Variants in AK5 observed in about 807,000 individuals in gnomAD.
AK5 encodes adenylate kinase 5, also known as adenylate kinase isoenzyme 5.
A neutral mutation model predicts 69.5 loss-of-function variants in AK5; 27 were observed. The ratio of observed to expected loss-of-function variants is 0.39; its 90% CI spans 0.29 to 0.54. The LOEUF (loss-of-function observed/expected upper bound fraction) is 0.54. Ranked by LOEUF, AK5 falls within the 20% of genes least tolerant of loss-of-function variation. AK5 has a pLI of 0.71. For missense variants in AK5, 531 were observed against 700.4 expected (o/e 0.76, Z 2.73); for synonymous variants, 260 against 244.4 (o/e 1.06, Z -0.60).
intron 8 of AK5, among the ~76,000 whole-genome samples, chr1:77,465,414 A>G (rs1018553710): frequency 9.9e-5 from 15 of 152,234 alleles, no homozygotes; most frequent in Non-Finnish European, 1.8e-4. Context: ...CTTGAGCTTA[A>G]CATCCTTTAA....
At chr1:77,307,967 G>A (rs1659736797) in intron 5 of AK5, among the ~76,000 whole-genome samples, 1 of 152,174 alleles carries the variant, frequency 6.6e-6, no homozygotes, top group African/African-American at 2.4e-5. Flanking sequence ...GGACGATGGT[G>A]GAGCTGTCTA....
At chr1:77,377,132 C>A (rs1198323427) in intron 6 of AK5, among the ~76,000 whole-genome samples, 1 of 152,142 alleles carries the variant, frequency 6.6e-6, no homozygotes, top group Non-Finnish European at 1.5e-5. Context: ...TGTTGTCTTT[C>A]TTGGTTTCTC....
intron 6 of AK5, among the ~76,000 whole-genome samples, chr1:77,384,156 A>G (rs1647846598): frequency 6.6e-6 from 1 of 152,208 alleles, no homozygotes; most frequent in Non-Finnish European, 1.5e-5. Context: ...AATCAGGGAA[A>G]TATTAAGTAA....
chr1:77,377,526 A>G (rs1484417525), intron 6 of AK5, among the ~76,000 whole-genome samples: 1 of 152,120 alleles, frequency 6.6e-6, no homozygotes, highest in Non-Finnish European at 1.5e-5. Flanking sequence ...TGACATTACT[A>G]CAATAACTCA....
chr1:77,399,607 C>A (rs2100545064), intron 6 of AK5, among the ~76,000 whole-genome samples: 1 of 152,204 alleles, frequency 6.6e-6, no homozygotes, highest in Middle Eastern at 3.4e-3. Context: ...GGGACAGAAC[C>A]AGAGCAGCTT....
In AK5 at chr1:77,518,854, T is replaced by G. The variant is rs1657820280; in HGVS notation, c.1311+127T>G. 5 of 940,314 alleles carry G rather than the reference T, an allele frequency of 5.3e-6. No individual in the cohort carries two copies. The South Asian group carries it at 7.3e-5, about 14-fold the overall frequency. 58.2% of individuals were successfully genotyped at this position (940,314 alleles called of 1,614,324 possible). On this transcript the variant is annotated intron_variant, in intron 11 of 13. Coordinates refer to ENST00000354567, the MANE Select transcript of AK5 (RefSeq NM_174858.3). ...AAACAATAGCTGTATATTATTTCCCTCCTTTGCAGCAATCCAGATGCAGGC... is the reference window on the plus strand; with the variant it reads ...AAACAATAGCTGTATATTATTTCCCGCCTTTGCAGCAATCCAGATGCAGGC...
At chr1:77,310,896 A>C (rs1659913897) in intron 5 of AK5, among the ~76,000 whole-genome samples, 1 of 152,074 alleles carries the variant, frequency 6.6e-6, no homozygotes, top group Non-Finnish European at 1.5e-5. Flanking sequence ...TCATTAAATA[A>C]GGTTTTATAA....
chr1:77,415,540 C>T (rs1361186581), intron 7 of AK5, among the ~76,000 whole-genome samples: 1 of 152,168 alleles, frequency 6.6e-6, no homozygotes, highest in Non-Finnish European at 1.5e-5. Context: ...TTTGTGTTAT[C>T]TTTAATGATG....
intron 10 of AK5, among the ~76,000 whole-genome samples, chr1:77,503,280 T>C (rs1003500564): frequency 6.6e-6 from 1 of 152,200 alleles, no homozygotes; most frequent in Non-Finnish European, 1.5e-5. Flanking sequence ...TATAAGAAGA[T>C]ACGGGAATGT....
chr1:77,345,903 A>C (rs1661890880), intron 6 of AK5: 1 of 152,186 alleles, frequency 6.6e-6, no homozygotes, highest in Non-Finnish European at 1.5e-5. Flanking sequence ...CCCCAAACAG[A>C]ACTACTACTA....
At chr1:77,422,289 G>A (rs948570904) in intron 8 of AK5, among the ~76,000 whole-genome samples, 2 of 152,110 alleles carry the variant, frequency 1.3e-5, no homozygotes, top group African/African-American at 2.4e-5. Flanking sequence ...CCTTCCCTCA[G>A]TCTGCTCACC....
chr1:77,518,727 A>C lies in AK5; in HGVS notation c.1311A>C (p.Ser437=), dbSNP rs371973784. The change falls in exon 11 of 14, where the codon TCA becomes TCC. Residue 437 remains serine, a splice_region_variant and synonymous_variant. Transcript: ENST00000354567. ...DIMERGDLVP[S]GIVLELLKEA... ...TGGAACGTGGAGACCTGGTGCCCTCAGTAAGCAACATGGCCTGACCCACAT... is the reference window on the plus strand; with the variant it reads ...TGGAACGTGGAGACCTGGTGCCCTCCGTAAGCAACATGGCCTGACCCACAT... The C allele has an allele frequency of 7.4e-6, 12 of 1,613,906 alleles. No homozygotes were observed. The highest frequency in any genetic ancestry group is 8.5e-7 in the Non-Finnish European group (1 of 1,179,908).
intron 6 of AK5, among the ~76,000 whole-genome samples, chr1:77,362,383 C>T (rs564134269): frequency 1.3e-5 from 2 of 151,980 alleles, no homozygotes; most frequent in Admixed American, 6.6e-5. Flanking sequence ...ACTTTAAAAC[C>T]GCCATTATCT....
At chr1:77,510,424 A>G (rs1241680680) in intron 10 of AK5, among the ~76,000 whole-genome samples, 1 of 152,194 alleles carries the variant, frequency 6.6e-6, no homozygotes, top group Non-Finnish European at 1.5e-5. Context: ...TAAAAGAGCA[A>G]TTTCAGAATG....
chr1:77,422,840 A>G (rs1650907008), intron 8 of AK5, among the ~76,000 whole-genome samples: 1 of 152,130 alleles, frequency 6.6e-6, no homozygotes, highest in Admixed American at 6.5e-5. Context: ...CTTCTACTTA[A>G]TGTGTGATGT....
chr1:77,352,613 G>A (rs1008871306), intron 6 of AK5, among the ~76,000 whole-genome samples: 1 of 152,186 alleles, frequency 6.6e-6, no homozygotes, highest in Non-Finnish European at 1.5e-5. Flanking sequence ...AATGATACCT[G>A]TTAAAAGGTG....
chr1:77,397,211 C>T (rs1420617987), intron 6 of AK5, among the ~76,000 whole-genome samples: 1 of 152,178 alleles, frequency 6.6e-6, no homozygotes, highest in Non-Finnish European at 1.5e-5. Flanking sequence ...CCCTGGTATG[C>T]CCTTCCTTTC....
intron 6 of AK5, among the ~76,000 whole-genome samples, chr1:77,379,855 G>T (rs1379673298): frequency 1.3e-5 from 2 of 152,040 alleles, no homozygotes; most frequent in Non-Finnish European, 2.9e-5. Flanking sequence ...AACGTATCTG[G>T]GTCAGTATTT....
chr1:77,437,935 C>A (rs1376780294), intron 8 of AK5, among the ~76,000 whole-genome samples: 9 of 152,028 alleles, frequency 5.9e-5, no homozygotes, highest in Non-Finnish European at 1.5e-5. Context: ...TAATCTAGTT[C>A]TTTCCTTCTT....
Sources: allele counts gnomAD v4.1 joint callset (sites outside exome capture counted in the v4.1 genomes callset), GRCh38; gene constraint gnomAD v4.1.1; transcripts MANE v1.5; gene names NCBI Gene and HGNC (gene_info 2026-07-23, HGNC 2026-07-21).